Variants in MTUS2 observed in about 807,000 individuals in gnomAD.
MTUS2 encodes the protein microtubule-associated tumor suppressor candidate 2.
Under a neutral mutation model 114.1 loss-of-function variants are expected in MTUS2, and 40 were observed. That is an observed-to-expected ratio of 0.35 (90% confidence interval 0.27 to 0.46). The LOEUF (loss-of-function observed/expected upper bound fraction) is 0.46. MTUS2 is among the 20% of genes least tolerant of loss of function. The pLI, the probability that MTUS2 is intolerant of heterozygous loss-of-function variation, is 1.00. For missense variants in MTUS2, 1,679 were observed against 1,705.4 expected, an observed-to-expected ratio of 0.98 and a Z score of 0.27; for synonymous variants, 688 against 672.0, an observed-to-expected ratio of 1.02 and a Z score of -0.37.
At chr13:29,045,207 T>C (rs1457044317) in intron 4 of MTUS2, among the ~76,000 whole-genome samples, 1 of 152,206 alleles carries the variant, frequency 6.6e-6, no homozygotes, top group East Asian at 1.9e-4. Context: ...TGTTTTAGTC[T>C]GCTTTGGCTG....
At chr13:28,910,721 T>C (rs143882820) in intron 2 of MTUS2, among the ~76,000 whole-genome samples, 3 of 152,168 alleles carry the variant, frequency 2.0e-5, no homozygotes, top group Non-Finnish European at 4.4e-5. Flanking sequence ...TCATTTCTTT[T>C]TATGGCTGCA....
chr13:28,984,281 G>C (rs1884480896), intron 2 of MTUS2, among the ~76,000 whole-genome samples: 1 of 152,198 alleles, frequency 6.6e-6, no homozygotes, highest in African/African-American at 2.4e-5. Context: ...ATGCAGTTGA[G>C]AATCTCTTGG....
chr13:28,843,245 C>G (rs1875630565), intron 2 of MTUS2, among the ~76,000 whole-genome samples: 1 of 152,006 alleles, frequency 6.6e-6, no homozygotes. Flanking sequence ...TTCCCAGAGA[C>G]CTGAGAGATT....
chr13:28,938,429 A>T (rs772207300), intron 2 of MTUS2, among the ~76,000 whole-genome samples: 10 of 152,176 alleles, frequency 6.6e-5, no homozygotes, highest in Non-Finnish European at 1.0e-4. Flanking sequence ...TTGCTAAAAA[A>T]GAATATATAT....
chr13:29,139,135 C>A (rs998297006), intron 5 of MTUS2, among the ~76,000 whole-genome samples: 3 of 151,830 alleles, frequency 2.0e-5, no homozygotes, highest in Non-Finnish European at 2.9e-5. Flanking sequence ...GGCACTTATG[C>A]ATGTAAGCTG....
intron 4 of MTUS2, among the ~76,000 whole-genome samples, chr13:29,036,135 C>A (rs1318388260): frequency 1.9e-5 from 2 of 105,958 alleles, no homozygotes; most frequent in Non-Finnish European, 3.6e-5. Context: ...CAGAGTGAGA[C>A]TGTCTCAAAA....
chr13:29,033,746 G>A (rs1314961467), intron 3 of MTUS2, 139 bp from the exon 4 acceptor site: 23 of 965,416 alleles, frequency 2.4e-5, no homozygotes, highest in South Asian at 1.0e-4. Context: ...ACTGTGGCCC[G>A]GGGAAGGTAG....
chr13:29,049,152 C>A (rs1290361813), intron 4 of MTUS2, among the ~76,000 whole-genome samples: 1 of 152,198 alleles, frequency 6.6e-6, no homozygotes, highest in African/African-American at 2.4e-5. Flanking sequence ...GATTTTGCAA[C>A]TCTTTGGCCA....
At chr13:28,856,968 C>G (rs77451660) in intron 2 of MTUS2, among the ~76,000 whole-genome samples, 6,478 of 152,204 alleles carry the variant, frequency 0.043, 415 homozygotes, top group African/African-American at 0.13. Flanking sequence ...AACACAACTT[C>G]GTAGCCACTG....
At chr13:29,472,939 A>ATTT (rs1027047629) in intron 9 of MTUS2, among the ~76,000 whole-genome samples, 4 of 152,154 alleles carry the variant, frequency 2.6e-5, no homozygotes, top group African/African-American at 9.6e-5. Context: ...ATTAAGGGTA[A>ATTT]TTTTTTAAAT....
chr13:29,127,388 G>A lies in MTUS2; in HGVS notation c.2644+26418G>A, dbSNP rs141937881. 1.1e-3 allele frequency among the ~76,000 whole-genome samples: 171 copies of A among 152,320 alleles called. 4 individuals are homozygous for A. The highest frequency in any genetic ancestry group is 0.01 in the Middle Eastern group (3 of 294). ...AATCTAGATGTTACCATGGAGGTAT[G>A]TTGTAGATGTCCTTAACATCTATAA... On this transcript the variant is annotated intron_variant, in intron 5 of 15. Coordinates refer to ENST00000612955, the MANE Select transcript of MTUS2 (RefSeq NM_001033602.4).
intron 6 of MTUS2, among the ~76,000 whole-genome samples, chr13:29,315,110 A>C (rs1182535265): frequency 6.6e-6 from 1 of 152,232 alleles, no homozygotes; most frequent in Non-Finnish European, 1.5e-5. Context: ...TATATGTGGA[A>C]TCTAAAAAAG....
intron 5 of MTUS2, among the ~76,000 whole-genome samples, chr13:29,240,742 C>A (rs931155303): frequency 6.6e-6 from 1 of 152,110 alleles, no homozygotes; most frequent in Non-Finnish European, 1.5e-5. Context: ...GATGCATATT[C>A]TTAGCAAACA....
intron 1 of MTUS2, among the ~76,000 whole-genome samples, chr13:28,838,035 G>A (rs1566168293): frequency 6.6e-6 from 1 of 152,024 alleles, no homozygotes; most frequent in Non-Finnish European, 1.5e-5. Context: ...CTGTGACCAT[G>A]TCACAGAATG....
chr13:29,143,310 A>G (rs781045398), intron 5 of MTUS2, among the ~76,000 whole-genome samples: 47 of 152,236 alleles, frequency 3.1e-4, no homozygotes, highest in East Asian at 5.8e-4. Context: ...GAGTCTTTCA[A>G]TTTCATAAGG....
At chr13:28,892,530 TA>T (rs547635138) in intron 2 of MTUS2, among the ~76,000 whole-genome samples, 214 of 152,284 alleles carry the variant, frequency 1.4e-3, no homozygotes, top group African/African-American at 4.4e-3. Context: ...CCCACATTAT[TA>T]AAAAAATTTG....
At chr13:29,393,190 G>A (rs1172097218) in intron 8 of MTUS2, among the ~76,000 whole-genome samples, 1 of 152,176 alleles carries the variant, frequency 6.6e-6, no homozygotes, top group East Asian at 1.9e-4. Context: ...TATTATTTTT[G>A]TATGTTGTAG....
At chr13:28,956,951 G>C (rs1189845595) in intron 2 of MTUS2, among the ~76,000 whole-genome samples, 1 of 151,910 alleles carries the variant, frequency 6.6e-6, no homozygotes, top group Non-Finnish European at 1.5e-5. Context: ...AGTGTTGGGG[G>C]ACAGAGGGAA....
intron 2 of MTUS2, among the ~76,000 whole-genome samples, chr13:28,902,208 T>C (rs1879686858): frequency 1.3e-5 from 2 of 152,232 alleles, no homozygotes; most frequent in South Asian, 4.1e-4. Flanking sequence ...AACTTATTAT[T>C]TCCAGGAGAT....
Sources: allele counts gnomAD v4.1 joint callset (sites outside exome capture counted in the v4.1 genomes callset), GRCh38; gene constraint gnomAD v4.1.1; transcripts MANE v1.5; gene names NCBI Gene and HGNC (gene_info 2026-07-23, HGNC 2026-07-21).